Variants in GSG1 observed in about 807,000 individuals in gnomAD.
The protein encoded by GSG1 is germ cell associated 1.
A neutral mutation model predicts 30.8 loss-of-function variants in GSG1; 28 were observed. The ratio of observed to expected loss-of-function variants is 0.91; its 90% CI spans 0.67 to 1.25. The LOEUF is 1.25. Ranked by LOEUF, GSG1 falls within the 50% of genes most tolerant of loss-of-function variation. The probability of loss-of-function intolerance (pLI) is 0.00; values close to 1 mark genes in which losing one functional copy is unlikely to be tolerated. For missense variants in GSG1, 435 were observed against 444.7 expected (o/e 0.98, Z 0.20); for synonymous variants, 162 against 178.0 (o/e 0.91, Z 0.71).
At chr12:13,090,872 A>G in intron 1 of GSG1, 54 bp from the exon 2 acceptor site, 1 of 1,485,874 alleles carries the variant, frequency 6.7e-7, no homozygotes, top group Non-Finnish European at 9.2e-7. Context: ...CTTGACTCAG[A>G]GCCGCCTCGG....
intron 1 of GSG1, among the ~76,000 whole-genome samples, 175 bp downstream of exon 1, chr12:13,103,290 G>A (rs528688951): frequency 1.3e-4 from 20 of 152,282 alleles, no homozygotes; most frequent in African/African-American, 4.8e-4. Context: ...TGAAAACTGG[G>A]CTGAGTGACA....
chr12:13,087,818 C>T, intron 5 of GSG1, 89 bp downstream of exon 5: 3 of 1,384,190 alleles, frequency 2.2e-6, no homozygotes, highest in Non-Finnish European at 1.9e-6. Flanking sequence ...TTGGGCTCCT[C>T]CCCTTCAGGG....
intron 6 of GSG1, among the ~76,000 whole-genome samples, chr12:13,085,753 T>G (rs759832642): frequency 6.6e-6 from 1 of 152,150 alleles, no homozygotes; most frequent in Non-Finnish European, 1.5e-5. Context: ...TGTTTTGAAC[T>G]TAGCAGTCTT....
chr12:13,095,876 T>A, intron 1 of GSG1: 2 of 1,195,830 alleles, frequency 1.7e-6, no homozygotes, highest in Non-Finnish European at 2.2e-6. Flanking sequence ...GATCTGGGAT[T>A]AAGCACAAAG....
rs1433016915 is a variant in GSG1, at chr12:13,096,330, C to T, written c.49-5512G>A. ...CTACTAAAAACACAAAAAAATTAGCCGGGCCTGGTGGCGGGTGCCTGTAGT... is the reference window on the plus strand; with the variant it reads ...CTACTAAAAACACAAAAAAATTAGCTGGGCCTGGTGGCGGGTGCCTGTAGT... On this transcript the variant is annotated intron_variant, in intron 1 of 6. Transcript: ENST00000651961. Among the ~76,000 whole-genome samples the T allele has an allele frequency of 5.3e-5, 8 of 151,940 alleles. No individual in the cohort carries two copies. In the East Asian group the frequency reaches 7.7e-4, roughly 15 times the overall value.
rs931304646 is a variant in GSG1 at position 13,088,910 on chromosome 12, C to T, written c.434-1G>A. ...TCAATGAAACTTCGGCACCTCTCCC[C>T]TGAAACATACAAGGTACAACGTCAT... On this transcript the variant is annotated splice_acceptor_variant, in intron 3 of 6. Transcript: ENST00000651961. LOFTEE classifies it high-confidence loss of function. The T allele has an allele frequency of 1.9e-6, 3 of 1,614,118 alleles. No individual in the cohort carries two copies. The highest frequency in any genetic ancestry group is 2.5e-6 in the Non-Finnish European group (3 of 1,179,982).
chr12:13,092,350 G>T (rs1866233164), intron 1 of GSG1, among the ~76,000 whole-genome samples: 1 of 152,136 alleles, frequency 6.6e-6, no homozygotes, highest in Admixed American at 6.5e-5. Context: ...CCACTACCTG[G>T]AGTTCTTGGA....
chr12:13,087,310 G>T, intron 5 of GSG1, 47 bp from the exon 6 acceptor site: 3 of 1,421,392 alleles, frequency 2.1e-6, no homozygotes, highest in Non-Finnish European at 3.0e-6. Flanking sequence ...AGGCTTTCAT[G>T]CCATCTGCCA....
At chr12:13,085,445 G>C (rs1865430544) in intron 6 of GSG1, among the ~76,000 whole-genome samples, 1 of 151,932 alleles carries the variant, frequency 6.6e-6, no homozygotes, top group Admixed American at 6.6e-5. Flanking sequence ...CCTAGTATCA[G>C]ACAAGGAGCT....
chr12:13,094,963 A>C (rs889508218), intron 1 of GSG1, among the ~76,000 whole-genome samples: 6 of 152,236 alleles, frequency 3.9e-5, no homozygotes, highest in Non-Finnish European at 8.8e-5. Flanking sequence ...TGTGGCACCA[A>C]GGTGACAACC....
rs1270381299 is a variant in GSG1 at position 13,093,804 on chromosome 12, G to GGAGCCCC, written c.49-2993_49-2987dup. ...ACTGAGGCCCCAGATGGCTCTGGCAGGAGCCCCTACTCTCCATGTCATTTT... is the reference window on the plus strand; with the variant it reads ...ACTGAGGCCCCAGATGGCTCTGGCAGGAGCCCCGAGCCCCTACTCTCCATGTCATTTT... On this transcript the variant is annotated intron_variant, in intron 1 of 6. Transcript: ENST00000651961. The surrounding 1 kb of genome is among the most constrained non-coding windows in gnomAD (Gnocchi z 4.6). Among the ~76,000 whole-genome samples the GGAGCCCC allele has an allele frequency of 3.9e-5, 6 of 152,354 alleles. No homozygotes were observed. The East Asian group carries it at 1.2e-3, about 29-fold the overall frequency.
chr12:13,096,710 A>T (rs1319245525), intron 1 of GSG1, among the ~76,000 whole-genome samples: 1 of 152,156 alleles, frequency 6.6e-6, no homozygotes. Context: ...CTGAAAAAGT[A>T]ATCTAAGAAA....
intron 1 of GSG1, among the ~76,000 whole-genome samples, chr12:13,099,465 CA>C (rs762089280): frequency 4.1e-4 from 63 of 152,226 alleles, no homozygotes; most frequent in Non-Finnish European, 7.9e-4. Flanking sequence ...TATGACACCA[CA>C]AGGCCAACAG....
At chr12:13,087,516 G>T (rs1865660202) in intron 5 of GSG1, among the ~76,000 whole-genome samples, 1 of 152,098 alleles carries the variant, frequency 6.6e-6, no homozygotes, top group Non-Finnish European at 1.5e-5. Flanking sequence ...CTGCACCCAA[G>T]GCCACTGCAC....
chr12:13,097,592 G>T (rs1299638221), intron 1 of GSG1, among the ~76,000 whole-genome samples: 1 of 152,154 alleles, frequency 6.6e-6, no homozygotes, highest in African/African-American at 2.4e-5. Flanking sequence ...TTTCATTTTA[G>T]AGCAGTCGTT....
chr12:13,095,474 A>C, intron 1 of GSG1: 2 of 950,414 alleles, frequency 2.1e-6, no homozygotes, highest in South Asian at 2.6e-5. Context: ...TTAACAGAGT[A>C]ACCCAGAATT....
chr12:13,089,213 G>T lies in GSG1; in HGVS notation c.428C>A (p.Ala143Glu). Residue 143 changes from alanine to glutamate, a missense_variant, in exon 3 of 7, where the codon GCA becomes GAA. By Grantham distance (107) the Ala-to-Glu change is moderately radical (BLOSUM62 -1). Transcript: ENST00000651961. ...RALRSSGTAA[A>E]KGERCRSFIE... ...ATCTTAGTGTTAACTAATACCTTTT[G>T]CTGCCGCTGTACCACTGGACCGAAG... 6.4e-7 allele frequency: 1 copy of T among 1,555,820 alleles called. No homozygotes were observed. Among genetic ancestry groups the T allele is most frequent in the Non-Finnish European group, 8.7e-7 (1 of 1,149,240 alleles).
intron 1 of GSG1, among the ~76,000 whole-genome samples, chr12:13,092,705 A>C (rs552038434): frequency 7.9e-5 from 12 of 152,354 alleles, no homozygotes; most frequent in African/African-American, 2.9e-4. Flanking sequence ...TAGACACTCA[A>C]CACTAAACTG....
chr12:13,095,773 GC>G, intron 1 of GSG1: 2 of 1,528,502 alleles, frequency 1.3e-6, no homozygotes, highest in Non-Finnish European at 1.8e-6. Flanking sequence ...ATGATTAAAT[GC>G]TGCCTTACAG....
Sources: allele counts gnomAD v4.1 joint callset (sites outside exome capture counted in the v4.1 genomes callset), GRCh38; gene constraint gnomAD v4.1.1; non-coding constraint Gnocchi (gnomAD v3.1); transcripts MANE v1.5; gene names NCBI Gene and HGNC (gene_info 2026-07-23, HGNC 2026-07-21).